The following ATP11A variants were observed in gnomAD, a reference collection of about 807,000 sequenced individuals.
The protein encoded by ATP11A is phospholipid-transporting ATPase IH.
In ATP11A, 81 loss-of-function variants were observed where a neutral mutation model predicts 154.4. The observed-to-expected ratio is 0.52, with a 90% CI of 0.44 to 0.63. The LOEUF (loss-of-function observed/expected upper bound fraction) is 0.63. Ranked by LOEUF, ATP11A falls within the 30% of genes least tolerant of loss-of-function variation. The pLI is 0.00. For synonymous variants in ATP11A, 623 were observed against 585.9 expected, an observed-to-expected ratio of 1.06 and a Z score of -0.91; for missense variants, 1,316 against 1,474.3, an observed-to-expected ratio of 0.89 and a Z score of 1.76.
At chr13:112,735,091 T>G (rs952210907) in intron 1 of ATP11A, among the ~76,000 whole-genome samples, 6 of 152,218 alleles carry the variant, frequency 3.9e-5, no homozygotes, top group African/African-American at 1.4e-4. Flanking sequence ...TGGATTTAGC[T>G]GTGCATTTTC....
intron 1 of ATP11A, among the ~76,000 whole-genome samples, chr13:112,755,492 C>G (rs902541190): frequency 6.6e-6 from 1 of 152,248 alleles, no homozygotes; most frequent in African/African-American, 2.4e-5. Flanking sequence ...GCCTCCGTTT[C>G]TTGCATGTAA....
At chr13:112,783,250 C>T (rs946794486) in intron 1 of ATP11A, among the ~76,000 whole-genome samples, 1 of 152,100 alleles carries the variant, frequency 6.6e-6, no homozygotes, top group Non-Finnish European at 1.5e-5. Context: ...AAGAGCACCA[C>T]GCAGACAGGG....
At position 112,707,883 on chromosome 13, in the gene ATP11A, C is replaced by T. The variant is rs187218602; in HGVS notation, c.39+17428C>T. On this transcript the variant is annotated intron_variant, in intron 1 of 29. Transcript: ENST00000375645. ...CTGGTCACTGTCTGGTGGCCTGTGC[C>T]GGTCTGATCCACCACAACTTTCTGA... 4.6e-5 allele frequency among the ~76,000 whole-genome samples: 7 copies of T among 152,284 alleles called. No homozygotes were observed. The East Asian group carries it at 7.7e-4, about 17-fold the overall frequency.
At chr13:112,767,952 CACCAAGCGCTGGT>C (rs1427807085) in intron 1 of ATP11A, among the ~76,000 whole-genome samples, 2 of 152,168 alleles carry the variant, frequency 1.3e-5, no homozygotes, top group Non-Finnish European at 2.9e-5. Flanking sequence ...CTCACTTCCC[CACCAAGCGCTGGT>C]CACAGAAACG....
chr13:112,861,232 G>A (rs529988214), intron 24 of ATP11A, among the ~76,000 whole-genome samples: 8 of 152,152 alleles, frequency 5.3e-5, no homozygotes, highest in Non-Finnish European at 7.4e-5. Flanking sequence ...CCCATGATGC[G>A]TGGGGATCAT....
At chr13:112,717,948 A>G (rs1056868926) in intron 1 of ATP11A, among the ~76,000 whole-genome samples, 1 of 152,184 alleles carries the variant, frequency 6.6e-6, no homozygotes, top group Admixed American at 6.5e-5. Context: ...GTGGTGGTGC[A>G]TGCCTGTAAT....
intron 4 of ATP11A, among the ~76,000 whole-genome samples, chr13:112,809,389 G>T (rs1308835377): frequency 6.6e-6 from 1 of 152,212 alleles, no homozygotes; most frequent in South Asian, 2.1e-4. Context: ...ACTTGTTTAT[G>T]CTCCCTTCGG....
intron 25 of ATP11A, among the ~76,000 whole-genome samples, chr13:112,868,285 A>T (rs1351046487): frequency 6.6e-6 from 1 of 152,226 alleles, no homozygotes; most frequent in East Asian, 1.9e-4. Context: ...AGTGGATGCC[A>T]CTCATGACCG....
intron 22 of ATP11A, 194 bp downstream of exon 22, chr13:112,858,484 T>C: frequency 1.8e-6 from 1 of 558,006 alleles, no homozygotes; most frequent in Non-Finnish European, 3.0e-6. Flanking sequence ...CAGTTTCCAT[T>C]ACCTACAGTC....
At chr13:112,724,988 C>T (rs1254576697) in intron 1 of ATP11A, among the ~76,000 whole-genome samples, 2 of 152,186 alleles carry the variant, frequency 1.3e-5, no homozygotes, top group Non-Finnish European at 2.9e-5. Context: ...GGCCTTGGAC[C>T]TGGTCCCCAC....
At chr13:112,816,570 T>C (rs2078652615) in intron 6 of ATP11A, among the ~76,000 whole-genome samples, 1 of 152,180 alleles carries the variant, frequency 6.6e-6, no homozygotes, top group Non-Finnish European at 1.5e-5. Flanking sequence ...ACCTACTCGA[T>C]GCGGCAAAAC....
rs1384860894 is a variant in ATP11A, at chr13:112,886,172, A to ACCGT, written c.*4308_*4311dup. ...CAGACAGGGCGAACAAGCAGGCCAC[A>ACCGT]CCGTCTCGAGGGAGGAGGCCAGATG... On this transcript the variant is annotated 3_prime_UTR_variant, in exon 30 of 30. Coordinates refer to ENST00000375645, the MANE Select transcript of ATP11A (RefSeq NM_015205.3). 1.3e-5 allele frequency: 2 copies of ACCGT among 152,222 alleles called. No homozygotes were observed. The highest frequency in any genetic ancestry group is 4.8e-5 in the African/African-American group (2 of 41,456). 9.4% of individuals were successfully genotyped at this position (152,222 alleles called of 1,614,324 possible).
chr13:112,712,400 C>T (rs1887863822), intron 1 of ATP11A, among the ~76,000 whole-genome samples: 1 of 152,088 alleles, frequency 6.6e-6, no homozygotes, highest in South Asian at 2.1e-4. Context: ...CCCTCAAAGC[C>T]CTACCTGGAT....
intron 28 of ATP11A, 81 bp from the exon 29 acceptor site, chr13:112,878,136 C>A: frequency 7.7e-7 from 1 of 1,298,066 alleles, no homozygotes; most frequent in Non-Finnish European, 1.1e-6. Flanking sequence ...CCATTTCCTT[C>A]CGTCTTCCGA....
rs185868076 is a variant in ATP11A at position 112,875,830 on chromosome 13, C to T, written c.3216C>T (p.Ser1072=). Residue 1072 remains serine (S), a synonymous_variant, in exon 28 of 30, where the codon AGC becomes AGT. Transcript: ENST00000375645. The surrounding 1 kb of genome is among the most constrained non-coding windows in gnomAD (Gnocchi z 4.1). The part of the protein sequence containing the change: ...MYYVFIQMLS[S]GPAWLAIVLL... ...ACGTGTTCATCCAGATGCTGTCCAG[C>T]GGGCCCGCCTGGCTGGCCATCGTGC... 21 of 1,613,944 alleles carry T rather than the reference C, an allele frequency of 1.3e-5. No homozygotes were observed. Among genetic ancestry groups the T allele is most frequent in the South Asian group, 2.2e-5 (2 of 91,074 alleles).
chr13:112,858,907 G>T (rs1275257822), intron 22 of ATP11A: 1 of 181,948 alleles, frequency 5.5e-6, no homozygotes, highest in African/African-American at 2.4e-5. Context: ...CCCATCTAGA[G>T]CATAGACAGG....
At chr13:112,765,610 G>A (rs549618460) in intron 1 of ATP11A, among the ~76,000 whole-genome samples, 15 of 152,370 alleles carry the variant, frequency 9.8e-5, no homozygotes, top group South Asian at 6.2e-4. Context: ...TGGTGAGAAC[G>A]AGGGTTGATC....
Position 112,697,425 on chromosome 13 carries a change from G to A in ATP11A, c.39+6970G>A, listed in dbSNP as rs1417102673. ...AACACCGAGACCCCAGGTCATTAGTGTTAATCAGAGTGATGAAGAGGTTGC... is the reference window on the plus strand; with the variant it reads ...AACACCGAGACCCCAGGTCATTAGTATTAATCAGAGTGATGAAGAGGTTGC... On this transcript the variant is annotated intron_variant, in intron 1 of 29. Coordinates refer to ENST00000375645, the MANE Select transcript of ATP11A (RefSeq NM_015205.3). The surrounding 1 kb of genome is among the most constrained non-coding windows in gnomAD (Gnocchi z 4.0). Among the ~76,000 whole-genome samples, 1 of 152,106 alleles carries A rather than the reference G, an allele frequency of 6.6e-6. No individual in the cohort carries two copies. The highest frequency in any genetic ancestry group is 1.5e-5 in the Non-Finnish European group (1 of 68,026).
chr13:112,791,349 G>T (rs2077850580), intron 2 of ATP11A, among the ~76,000 whole-genome samples: 1 of 152,248 alleles, frequency 6.6e-6, no homozygotes, highest in Non-Finnish European at 1.5e-5. Flanking sequence ...CACCCAGCCT[G>T]CCCCCTGGGA....
Sources: gnomAD v4.1 joint callset for allele counts (sites outside exome capture counted in the v4.1 genomes callset) on GRCh38, gnomAD v4.1.1 for gene constraint, Gnocchi (gnomAD v3.1) non-coding constraint, MANE v1.5 for transcripts, NCBI Gene and HGNC (gene_info 2026-07-23, HGNC 2026-07-21) for gene names.